Variants in IGF2BP2 observed in about 807,000 individuals in gnomAD.
The protein encoded by IGF2BP2 is insulin-like growth factor 2 mRNA-binding protein 2.
IGF2BP2 carries 17 observed loss-of-function variants against 75.8 expected under a neutral mutation model. The ratio of observed to expected loss-of-function variants is 0.22; its 90% CI spans 0.15 to 0.34. The LOEUF (loss-of-function observed/expected upper bound fraction) is 0.34, where lower values mean the gene tolerates loss of function less well. Ranked by LOEUF, IGF2BP2 falls within the 10% of genes least tolerant of loss-of-function variation. IGF2BP2 has a pLI of 1.00. For missense variants in IGF2BP2, 516 were observed against 772.4 expected (o/e 0.67, Z 3.93); for synonymous variants, 288 against 295.6 (o/e 0.97, Z 0.26).
rs1713120988 is a variant in IGF2BP2 at position 185,644,175 on chromosome 3, A to T, written c.*1356T>A. 6.6e-6 allele frequency: 1 copy of T among 152,416 alleles called. No homozygotes were observed. Among genetic ancestry groups the T allele is most frequent in the Non-Finnish European group, 1.5e-5 (1 of 68,004 alleles). The allele number at this position is 152,416 out of a possible 1,614,324, so 9.4% of individuals were successfully genotyped here. On this transcript the variant is annotated 3_prime_UTR_variant, in exon 16 of 16. Coordinates refer to ENST00000382199, the MANE Select transcript of IGF2BP2 (RefSeq NM_006548.6). ...ATGCTCCAACTATCAGCTTTACAAA[A>T]TCTCTAAGGGAAACACAAGAGCAAG... is the stretch of plus-strand genomic sequence containing the variant.
intron 2 of IGF2BP2, chr3:185,713,446 A>G (rs1224187018): frequency 1.9e-6 from 1 of 520,100 alleles, no homozygotes; most frequent in Admixed American, 1.9e-5. Flanking sequence ...ACCACTAGAT[A>G]ACTGTCTAAG....
chr3:185,792,860 G>T (rs1308754344), intron 2 of IGF2BP2, among the ~76,000 whole-genome samples: 1 of 151,358 alleles, frequency 6.6e-6, no homozygotes, highest in Non-Finnish European at 1.5e-5. Context: ...GACCTGCGAA[G>T]AACTAGTAGC....
At chr3:185,691,106 T>C (rs1040966829) in intron 5 of IGF2BP2, among the ~76,000 whole-genome samples, 1 of 152,190 alleles carries the variant, frequency 6.6e-6, no homozygotes, top group African/African-American at 2.4e-5. Context: ...TCTTTTTTTT[T>C]ATTTTTTTCG....
intron 2 of IGF2BP2, among the ~76,000 whole-genome samples, chr3:185,758,333 AC>A (rs1281010082): frequency 6.6e-6 from 1 of 152,182 alleles, no homozygotes; most frequent in Non-Finnish European, 1.5e-5. Context: ...AAGAGACAAC[AC>A]CCAAGAGAAA....
chr3:185,684,558 C>T (rs930858772), intron 7 of IGF2BP2, among the ~76,000 whole-genome samples: 1 of 152,110 alleles, frequency 6.6e-6, no homozygotes, highest in African/African-American at 2.4e-5. Context: ...GCGTGTGCCA[C>T]CACGCCCAGC....
intron 12 of IGF2BP2, among the ~76,000 whole-genome samples, chr3:185,652,579 G>A (rs537062492): frequency 6.6e-6 from 1 of 152,222 alleles, no homozygotes; most frequent in Non-Finnish European, 1.5e-5. Context: ...TGTTAAATTG[G>A]AGTCGAGCTT....
At chr3:185,710,699 C>T (rs1209677303) in intron 2 of IGF2BP2, among the ~76,000 whole-genome samples, 1 of 151,918 alleles carries the variant, frequency 6.6e-6, no homozygotes, top group East Asian at 1.9e-4. Flanking sequence ...CGCCACTCCA[C>T]TCAAGCCTGG....
chr3:185,653,183 G>A (rs1714889256), intron 12 of IGF2BP2, among the ~76,000 whole-genome samples: 2 of 151,980 alleles, frequency 1.3e-5, no homozygotes, highest in South Asian at 4.2e-4. Context: ...CTCAAACCCT[G>A]GGCTGAGCAG....
intron 2 of IGF2BP2, among the ~76,000 whole-genome samples, chr3:185,805,625 T>C (rs1054441436): frequency 8.5e-5 from 13 of 152,142 alleles, no homozygotes; most frequent in Middle Eastern, 3.2e-3. Context: ...TTTGGGTGCA[T>C]ATCCACAGGC....
chr3:185,785,836 A>G (rs902885454), intron 2 of IGF2BP2, among the ~76,000 whole-genome samples: 1 of 152,162 alleles, frequency 6.6e-6, no homozygotes, highest in Non-Finnish European at 1.5e-5. Context: ...AATTAATTCC[A>G]GGGCATAGAG....
rs1578075544 is a variant in IGF2BP2, at chr3:185,715,930, G to A, written c.240-17583C>T. On this transcript the variant is annotated intron_variant, in intron 2 of 15. Coordinates refer to ENST00000382199, the MANE Select transcript of IGF2BP2 (RefSeq NM_006548.6). The stretch of plus-strand genomic sequence containing the variant: ...CAAAGTGCTGGGATTATAGCTGTGA[G>A]CCACCACGCCCAGCCTGATTCCTCA... 4.6e-5 allele frequency among the ~76,000 whole-genome samples: 7 copies of A among 152,282 alleles called. No homozygotes were observed. In the South Asian group the frequency reaches 1.4e-3, roughly 32 times the overall value.
chr3:185,757,173 T>C (rs1578206159), intron 2 of IGF2BP2, among the ~76,000 whole-genome samples: 1 of 152,156 alleles, frequency 6.6e-6, no homozygotes, highest in Admixed American at 6.5e-5. Context: ...TTCCAACTCT[T>C]CTCCTCTTCC....
At chr3:185,683,314 T>C (rs1445827771) in intron 7 of IGF2BP2, among the ~76,000 whole-genome samples, 1 of 152,184 alleles carries the variant, frequency 6.6e-6, no homozygotes, top group Non-Finnish European at 1.5e-5. Flanking sequence ...AGGTACAGAG[T>C]TCCAGATTTA....
At chr3:185,753,903 G>T (rs979360031) in intron 2 of IGF2BP2, among the ~76,000 whole-genome samples, 2 of 152,000 alleles carry the variant, frequency 1.3e-5, no homozygotes, top group Non-Finnish European at 2.9e-5. Context: ...GCAAGATCTG[G>T]TTGTTTAAAA....
intron 2 of IGF2BP2, among the ~76,000 whole-genome samples, chr3:185,787,200 GAGAT>G (rs1374474716): frequency 2.0e-5 from 3 of 152,164 alleles, no homozygotes; most frequent in Admixed American, 1.3e-4. Context: ...GACAGTTCTG[GAGAT>G]AGATAGTGGC....
At chr3:185,665,460 GAAGAAGAAGA>G (rs1717326394) in intron 10 of IGF2BP2, among the ~76,000 whole-genome samples, 1 of 103,814 alleles carries the variant, frequency 9.6e-6, no homozygotes, top group Non-Finnish European at 2.0e-5. Flanking sequence ...AGGAGGAGAA[GAAGAAGAAGA>G]AGAAGGAGAA....
At chr3:185,812,075 G>A (rs1376941565) in intron 2 of IGF2BP2, among the ~76,000 whole-genome samples, 1 of 152,092 alleles carries the variant, frequency 6.6e-6, no homozygotes, top group African/African-American at 2.4e-5. Flanking sequence ...ATACTGAGGG[G>A]GTGTGTATTA....
At chr3:185,758,594 A>G (rs1731939544) in intron 2 of IGF2BP2, among the ~76,000 whole-genome samples, 1 of 152,374 alleles carries the variant, frequency 6.6e-6, no homozygotes, top group East Asian at 1.9e-4. Flanking sequence ...GGCAGTAGTG[A>G]TATCTGTAAT....
intron 2 of IGF2BP2, among the ~76,000 whole-genome samples, chr3:185,804,475 A>C (rs568006981): frequency 4.6e-5 from 7 of 152,198 alleles, no homozygotes; most frequent in African/African-American, 1.7e-4. Context: ...AGAAGTATTG[A>C]TATATAACTG....
Sources: allele counts gnomAD v4.1 joint callset (sites outside exome capture counted in the v4.1 genomes callset), GRCh38; gene constraint gnomAD v4.1.1; transcripts MANE v1.5; gene names NCBI Gene and HGNC (gene_info 2026-07-23, HGNC 2026-07-21).